Variants in IL17RB observed in about 807,000 individuals in gnomAD.
The protein encoded by IL17RB is interleukin 17 receptor B.
Under a neutral mutation model 43.9 loss-of-function variants are expected in IL17RB, and 36 were observed. The ratio of observed to expected loss-of-function variants is 0.82; its 90% CI spans 0.63 to 1.08. The LOEUF (loss-of-function observed/expected upper bound fraction) is 1.08. IL17RB is among the 50% of genes least tolerant of loss of function. The pLI is 0.00. For synonymous variants in IL17RB, 225 were observed against 225.4 expected, an observed-to-expected ratio of 1.00 and a Z score of 0.02; for missense variants, 613 against 613.6, an observed-to-expected ratio of 1.00 and a Z score of 0.01.
chr3:53,864,601 G>T, intron 10 of IL17RB, 145 bp from the exon 11 acceptor site: 2 of 665,852 alleles, frequency 3.0e-6, no homozygotes, highest in Non-Finnish European at 5.3e-6. Context: ...AGGAACATCA[G>T]GATGTTTTTC....
intron 8 of IL17RB, chr3:53,858,191 G>A (rs1699417162): frequency 4.5e-6 from 1 of 220,966 alleles, no homozygotes; most frequent in East Asian, 1.4e-4. Flanking sequence ...GGACACAGGA[G>A]GTCCAGTGGG....
intron 10 of IL17RB, 97 bp from the exon 11 acceptor site, chr3:53,864,649 C>T (rs1699714163): frequency 1.1e-6 from 1 of 929,276 alleles, no homozygotes; most frequent in African/African-American, 1.6e-5. Flanking sequence ...GCTCAGCTGA[C>T]ATTCTCTAGC....
At position 53,855,338 on chromosome 3, in the gene IL17RB, G is replaced by T. The variant is rs752136058; in HGVS notation, c.526G>T (p.Ala176Ser). ...GAAATATAAAAAAAAGTGTGTCAAG[G>T]CCGGTAAGTAAATACGGCATTTGCT... ...IMKYKKKCVK[A>S]GSLWDPNITA... is the part of the protein sequence containing the mutation. Residue 176 changes from alanine to serine, a missense_variant, in exon 6 of 11, where the codon GCC becomes TCC. Physicochemically the swap from Ala to Ser is moderately conservative, Grantham distance 99. Transcript: ENST00000288167. 1.2e-6 allele frequency: 2 copies of T among 1,601,318 alleles called. No homozygotes were observed. The highest frequency in any genetic ancestry group is 2.2e-5 in the South Asian group (2 of 90,432).
At chr3:53,849,503 C>T in intron 2 of IL17RB, 152 bp from the exon 3 acceptor site, 1 of 556,274 alleles carries the variant, frequency 1.8e-6, no homozygotes, top group Non-Finnish European at 2.8e-6. Flanking sequence ...GAGTGAGACC[C>T]CATCTCTACA....
intron 2 of IL17RB, among the ~76,000 whole-genome samples, chr3:53,849,299 G>A (rs776435090): frequency 2.0e-5 from 3 of 152,204 alleles, no homozygotes; most frequent in Non-Finnish European, 4.4e-5. Context: ...AAAGCCAGGA[G>A]GTTGAGAGTA....
chr3:53,852,607 G>A (rs189078127), intron 4 of IL17RB, among the ~76,000 whole-genome samples: 40 of 152,230 alleles, frequency 2.6e-4, no homozygotes, highest in East Asian at 1.4e-3. Flanking sequence ...TGTGCCTTTT[G>A]TAAGTCAGCA....
chr3:53,856,927 A>G lies in IL17RB; in HGVS notation c.613A>G (p.Asn205Asp). 6.2e-7 allele frequency: 1 copy of G among 1,614,128 alleles called. No individual in the cohort carries two copies. Among genetic ancestry groups the G allele is most frequent in the Non-Finnish European group, 8.5e-7 (1 of 1,179,986 alleles). ...GAACTTCACAACCACTCCCCTGGGA[A>G]ACAGATACATGGCTCTTATCCAACA... The part of the protein sequence containing the change: ...EVNFTTTPLG[N>D]RYMALIQHST... The change falls in exon 7 of 11, where the codon AAC (asparagine) becomes GAC (aspartate). Residue 205 changes from asparagine to aspartate, a missense_variant. Asn to Asp is a conservative substitution (Grantham distance 23, BLOSUM62 1). Coordinates refer to ENST00000288167, the MANE Select transcript of IL17RB (RefSeq NM_018725.4).
chr3:53,865,277 A>G lies in IL17RB; in HGVS notation c.1478A>G (p.Gln493Arg). The change falls in exon 11 of 11, where the codon CAA becomes CGA. Residue 493 changes from glutamine (Q) to arginine (R), a missense_variant. Transcript: ENST00000288167. Reference sequence around the variant, plus strand: ...CAGGTGTCAGCAGGAAAAAGATCACAAGCCTGCCACGATGGCTGCTGCTCC... The same window carrying G: ...CAGGTGTCAGCAGGAAAAAGATCACGAGCCTGCCACGATGGCTGCTGCTCC... ...KQQVSAGKRSQACHDGCCSL is the reference protein window; with the variant it reads ...KQQVSAGKRSRACHDGCCSL 1 of 1,608,900 alleles carries G rather than the reference A, an allele frequency of 6.2e-7. No individual in the cohort carries two copies. The highest frequency in any genetic ancestry group is 8.5e-7 in the Non-Finnish European group (1 of 1,179,912).
At chr3:53,849,009 C>A (rs1021362776) in intron 2 of IL17RB, among the ~76,000 whole-genome samples, 6 of 152,140 alleles carry the variant, frequency 3.9e-5, no homozygotes, top group Non-Finnish European at 8.8e-5. Flanking sequence ...GACCGAGAAG[C>A]AAATGTTTCA....
chr3:53,852,032 G>A lies in IL17RB; in HGVS notation c.260G>A (p.Cys87Tyr). ...SIRLLKATKI[C>Y]VTGKSNFQSY... is the part of the protein sequence containing the mutation. ...CGCTTGTTGAAGGCCACCAAGATTTGTGTGACGGGCAAAAGCAACTTCCAG... is the reference window on the plus strand; with the variant it reads ...CGCTTGTTGAAGGCCACCAAGATTTATGTGACGGGCAAAAGCAACTTCCAG... The change falls in exon 4 of 11, where the codon TGT (cysteine) becomes TAT (tyrosine). Residue 87 changes from cysteine (C) to tyrosine (Y), a missense_variant. Cys to Tyr is a radical substitution (Grantham distance 194). Coordinates refer to ENST00000288167, the MANE Select transcript of IL17RB (RefSeq NM_018725.4). 6.2e-7 allele frequency: 1 copy of A among 1,614,192 alleles called. No individual in the cohort carries two copies. Among genetic ancestry groups the A allele is most frequent in the Non-Finnish European group, 8.5e-7 (1 of 1,180,044 alleles).
intron 10 of IL17RB, among the ~76,000 whole-genome samples, chr3:53,863,563 C>G (rs762967667): frequency 6.6e-6 from 1 of 152,222 alleles, no homozygotes; most frequent in Non-Finnish European, 1.5e-5. Context: ...GCTGTCTGAC[C>G]TGTATTCGTT....
intron 6 of IL17RB, among the ~76,000 whole-genome samples, chr3:53,856,151 A>C (rs1350837349): frequency 2.0e-5 from 3 of 152,204 alleles, no homozygotes; most frequent in Non-Finnish European, 4.4e-5. Context: ...GAGGGCCTTG[A>C]AGTCAGTCCT....
At chr3:53,859,023 C>A in intron 9 of IL17RB, 1 of 490,168 alleles carries the variant, frequency 2.0e-6, no homozygotes, top group South Asian at 3.4e-5. Flanking sequence ...TTTGTAAAAC[C>A]ACTCGTGACT....
At position 53,865,462 on chromosome 3, in the gene IL17RB, T is replaced by TA. The variant is rs1251643285; in HGVS notation, c.*156dup. 3 of 566,312 alleles carry TA rather than the reference T, an allele frequency of 5.3e-6. No individual in the cohort carries two copies. Among genetic ancestry groups the TA allele is most frequent in the African/African-American group, 1.9e-5 (1 of 53,540 alleles). 35.1% of individuals were successfully genotyped at this position (566,312 alleles called of 1,614,324 possible). A position where few individuals can be genotyped will look rare whatever the true frequency, so the allele number is the denominator to read the frequency against. On this transcript the variant is annotated 3_prime_UTR_variant, in exon 11 of 11. Transcript: ENST00000288167. ...AATAAAATTTTCAAATATTGCTAAC[T>TA]AATGTAGCATTAACTAACGATTGGA...
intron 8 of IL17RB, chr3:53,858,363 T>C (rs1292201293): frequency 1.9e-6 from 2 of 1,060,446 alleles, no homozygotes; most frequent in African/African-American, 3.3e-5. Flanking sequence ...TTGCATGTCC[T>C]AAAGCACTGG....
In IL17RB at chr3:53,848,626, C is replaced by T. The variant is rs374807881; in HGVS notation, c.61-38C>T. On this transcript the variant is annotated intron_variant, in intron 1 of 10. Coordinates refer to ENST00000288167, the MANE Select transcript of IL17RB (RefSeq NM_018725.4). ...TGGCAAAGGAAAGCTTGTGGTTTGC[C>T]GGCTTCAACGTGACGCTTGGTTTTT... 143 of 1,564,832 alleles carry T rather than the reference C, an allele frequency of 9.1e-5. No individual in the cohort carries two copies. The Middle Eastern group carries it at 2.0e-3, about 22-fold the overall frequency.
chr3:53,852,121 G>A lies in IL17RB; in HGVS notation c.349G>A (p.Gly117Ser), dbSNP rs1188850310. ...CCAGACTCAGACCAGACCCTCTGGT[G>A]GTAAAGTAAGCACTTTTTTGTTTTT... is the stretch of plus-strand genomic sequence containing the variant. ...AFQTQTRPSG[G>S]KWTFSYIGFP... Residue 117 changes from glycine (G) to serine (S), a missense_variant, in exon 4 of 11, where the codon GGT (glycine) becomes AGT (serine). By Grantham distance (56) the Gly-to-Ser change is moderately conservative. Transcript: ENST00000288167. 1 of 1,613,642 alleles carries A rather than the reference G, an allele frequency of 6.2e-7. No homozygotes were observed. Among genetic ancestry groups the A allele is most frequent in the Non-Finnish European group, 8.5e-7 (1 of 1,179,752 alleles).
intron 1 of IL17RB, among the ~76,000 whole-genome samples, 176 bp from the exon 2 acceptor site, chr3:53,848,488 C>G (rs1038115527): frequency 6.6e-6 from 1 of 152,252 alleles, no homozygotes; most frequent in Non-Finnish European, 1.5e-5. Flanking sequence ...TCATAGCCTA[C>G]AGTGGGACAG....
chr3:53,851,335 C>T (rs1393480599), intron 3 of IL17RB, among the ~76,000 whole-genome samples: 1 of 152,122 alleles, frequency 6.6e-6, no homozygotes, highest in African/African-American at 2.4e-5. Flanking sequence ...AGGGGAGTCC[C>T]AGAAGGGAGC....
Sources: gnomAD v4.1 joint callset for allele counts (sites outside exome capture counted in the v4.1 genomes callset) on GRCh38, gnomAD v4.1.1 for gene constraint, MANE v1.5 for transcripts, NCBI Gene and HGNC (gene_info 2026-07-23, HGNC 2026-07-21) for gene names.